Variants in LAMA3 observed in about 807,000 individuals in gnomAD.
LAMA3 encodes the protein laminin subunit alpha 3.
Under a neutral mutation model 402.0 loss-of-function variants are expected in LAMA3, and 281 were observed. That is an observed-to-expected ratio of 0.70 (90% CI 0.63 to 0.77). The LOEUF (loss-of-function observed/expected upper bound fraction) is 0.77. Ranked by LOEUF, LAMA3 falls within the 30% of genes least tolerant of loss-of-function variation. LAMA3 has a pLI of 0.00. For synonymous variants in LAMA3, 1,431 were observed against 1,558.4 expected (o/e 0.92, Z 1.93); for missense variants, 3,840 against 4,215.5 (o/e 0.91, Z 2.47).
chr18:23,928,774 T>G lies in LAMA3; in HGVS notation c.8436+9T>G. 1 of 1,611,438 alleles carries G rather than the reference T, an allele frequency of 6.2e-7. No individual in the cohort carries two copies. Among genetic ancestry groups the G allele is most frequent in the Non-Finnish European group, 8.5e-7 (1 of 1,177,520 alleles). ...TAGATCATCAGACATGGGTATGCAG[T>G]AGTGCATTAATATCAAACAAGATTT... On this transcript the variant is annotated intron_variant, in intron 64 of 74. Coordinates refer to ENST00000313654, the MANE Select transcript of LAMA3 (RefSeq NM_198129.4).
At chr18:23,850,780 C>A (rs7237244) in intron 32 of LAMA3, among the ~76,000 whole-genome samples, 1 of 152,200 alleles carries the variant, frequency 6.6e-6, no homozygotes, top group East Asian at 1.9e-4. Flanking sequence ...TCTGAACATA[C>A]AAAAGGGCTA....
rs563682231 is a variant in LAMA3 at position 23,898,979 on chromosome 18, A to C, written c.5750A>C (p.Gln1917Pro). 40 of 1,614,032 alleles carry C rather than the reference A, an allele frequency of 2.5e-5. 1 individual carries two copies. In the Middle Eastern group the frequency reaches 6.6e-4, roughly 27 times the overall value. ...EKAQVNSRKA[Q>P]TLNNNVNRAT... The stretch of plus-strand genomic sequence containing the variant: ...GCTCAAGTAAATTCCAGAAAAGCAC[A>C]AACATTAAACAACAATGTTAATCGG... Residue 1917 changes from glutamine to proline, a missense_variant, in exon 46 of 75, where the codon CAA (glutamine) becomes CCA (proline). Coordinates refer to ENST00000313654, the MANE Select transcript of LAMA3 (RefSeq NM_198129.4).
intron 23 of LAMA3, among the ~76,000 whole-genome samples, chr18:23,831,100 C>T (rs1200786694): frequency 6.6e-6 from 1 of 152,132 alleles, no homozygotes; most frequent in African/African-American, 2.4e-5. Flanking sequence ...TTCCATCTCC[C>T]TTGTCCAAAA....
intron 9 of LAMA3, 97 bp from the exon 10 acceptor site, chr18:23,775,695 G>T: frequency 1.5e-6 from 2 of 1,376,202 alleles, no homozygotes; most frequent in South Asian, 2.4e-5. Context: ...ATAGACCAAG[G>T]ATCAAGTATG....
chr18:23,690,023 C>T, intron 1 of LAMA3, 46 bp downstream of exon 1: 2 of 1,340,542 alleles, frequency 1.5e-6, no homozygotes, highest in Non-Finnish European at 1.9e-6. Context: ...TTTTCCTTCC[C>T]GCGCCGGCCA....
In LAMA3 at chr18:23,953,006, C is replaced by T. The variant is rs757278191; in HGVS notation, c.9753C>T (p.His3251=). Residue 3251 remains histidine (H), a synonymous_variant, in exon 74 of 75, where the codon CAC becomes CAT. Transcript: ENST00000313654. ...WHSVAVTIKQ[H]ILHLELDTDS... is the part of the protein sequence containing the mutation. Reference sequence around the variant, plus strand: ...TTTCCCCAGTCACCATAAAACAACACATCCTGCACCTGGAACTGGACACAG... The same window carrying T: ...TTTCCCCAGTCACCATAAAACAACATATCCTGCACCTGGAACTGGACACAG... 6.2e-7 allele frequency: 1 copy of T among 1,614,150 alleles called. No homozygotes were observed. The highest frequency in any genetic ancestry group is 8.5e-7 in the Non-Finnish European group (1 of 1,179,998).
chr18:23,689,725 A>T lies in LAMA3; in HGVS notation c.42A>T (p.Pro14=). 6.8e-7 allele frequency: 1 copy of T among 1,473,806 alleles called. No homozygotes were observed. The highest frequency in any genetic ancestry group is 9.0e-7 in the Non-Finnish European group (1 of 1,116,996). 91.3% of individuals were successfully genotyped at this position (1,473,806 alleles called of 1,614,324 possible). ...AARPRGRALG[P]VLPPTPLLLL... Reference sequence around the variant, plus strand: ...GGCCTCGGGGTCGGGCACTGGGGCCAGTACTGCCGCCGACGCCGCTGCTCC... The same window carrying T: ...GGCCTCGGGGTCGGGCACTGGGGCCTGTACTGCCGCCGACGCCGCTGCTCC... The change falls in exon 1 of 75, where the codon CCA becomes CCT. Residue 14 remains proline, a synonymous_variant. Transcript: ENST00000313654.
intron 62 of LAMA3, among the ~76,000 whole-genome samples, chr18:23,922,971 A>T (rs1209596561): frequency 6.6e-6 from 1 of 152,194 alleles, no homozygotes; most frequent in Non-Finnish European, 1.5e-5. Context: ...CATAGGAGGA[A>T]GCTCAGGGTG....
At position 23,928,129 on chromosome 18, in the gene LAMA3, C is replaced by T. The variant is rs1244437168; in HGVS notation, c.8184C>T (p.Asn2728=). 1 of 1,610,080 alleles carries T rather than the reference C, an allele frequency of 6.2e-7. No homozygotes were observed. The highest frequency in any genetic ancestry group is 2.2e-5 in the East Asian group (1 of 44,888). ...GIPIAIRERF[N]ISTPAFRGCM... ...TATCTGTGTTCGTAATCAGATTTAA[C>T]ATTTCTACGCCTGCTTTCCGAGGCT... Residue 2728 remains asparagine (N), a synonymous_variant, in exon 63 of 75, where the codon AAC becomes AAT. Transcript: ENST00000313654.
chr18:23,812,527 A>C (rs939630726), intron 13 of LAMA3, among the ~76,000 whole-genome samples: 1 of 152,242 alleles, frequency 6.6e-6, no homozygotes, highest in Non-Finnish European at 1.5e-5. Context: ...TGTAATTGTA[A>C]TACTGAAACA....
At chr18:23,896,528 CCA>C (rs908604889) in intron 44 of LAMA3, among the ~76,000 whole-genome samples, 1 of 151,986 alleles carries the variant, frequency 6.6e-6, no homozygotes, top group African/African-American at 2.4e-5. Flanking sequence ...AGAATGTGGT[CCA>C]TTTGGGTGAA....
chr18:23,826,527 A>G (rs1365901266), intron 21 of LAMA3, among the ~76,000 whole-genome samples, 175 bp from the exon 22 acceptor site: 3 of 152,202 alleles, frequency 2.0e-5, no homozygotes, highest in Non-Finnish European at 4.4e-5. Flanking sequence ...ATCTTTGATG[A>G]GTGGTTCTTT....
chr18:23,840,874 T>G (rs998060092), intron 27 of LAMA3, among the ~76,000 whole-genome samples: 7 of 152,204 alleles, frequency 4.6e-5, no homozygotes, highest in Non-Finnish European at 1.5e-5. Flanking sequence ...ACATTATATT[T>G]ATGGGTTGAG....
intron 2 of LAMA3, among the ~76,000 whole-genome samples, chr18:23,734,101 C>T (rs2061435416): frequency 6.6e-6 from 1 of 152,226 alleles, no homozygotes; most frequent in Admixed American, 6.5e-5. Flanking sequence ...AAAAGTGACG[C>T]AACATCTCTG....
Position 23,753,791 on chromosome 18 carries a change from A to G in LAMA3, c.926A>G (p.Asn309Ser). Residue 309 changes from asparagine (N) to serine (S), a missense_variant, in exon 6 of 75, where the codon AAT becomes AGT. Physicochemically the swap from Asn to Ser is conservative, Grantham distance 46. Coordinates refer to ENST00000313654, the MANE Select transcript of LAMA3 (RefSeq NM_198129.4). ...CVCNGHAEVC[N>S]INNPEKLFRC... ...TGCAATGGCCATGCTGAAGTGTGCA[A>G]TATAAACAATCCTGAAAAACTGTAA... is the stretch of plus-strand genomic sequence containing the variant. 1 of 1,613,386 alleles carries G rather than the reference A, an allele frequency of 6.2e-7. No homozygotes were observed. The highest frequency in any genetic ancestry group is 8.5e-7 in the Non-Finnish European group (1 of 1,179,314).
chr18:23,887,222 G>C (rs1195361340), intron 41 of LAMA3, among the ~76,000 whole-genome samples: 1 of 152,152 alleles, frequency 6.6e-6, no homozygotes, highest in African/African-American at 2.4e-5. Flanking sequence ...ATCAAAACAT[G>C]CCATTAAAAT....
At position 23,857,814 on chromosome 18, in the gene LAMA3, T is replaced by C. The variant is rs1332362233; in HGVS notation, c.4137-30T>C. On this transcript the variant is annotated intron_variant, in intron 32 of 74. Coordinates refer to ENST00000313654, the MANE Select transcript of LAMA3 (RefSeq NM_198129.4). ...TTTAAAATTGTGTGTACAAAGATGA[T>C]GATTTTTGCTTCCTTTACTTTGTGT... The C allele has an allele frequency of 3.7e-6, 6 of 1,614,170 alleles. 1 individual carries two copies. The South Asian group carries it at 5.5e-5, about 15-fold the overall frequency.
Position 23,898,939 on chromosome 18 carries a change from T to G in LAMA3, c.5725-15T>G, listed in dbSNP as rs749828142. On this transcript the variant is annotated splice_polypyrimidine_tract_variant and intron_variant, in intron 45 of 74. Transcript: ENST00000313654. ...TTGACTTAATTTGCTGCTAATCAAT[T>G]TATTTTTCATATAGGCTCAAGTAAA... is the stretch of plus-strand genomic sequence containing the variant. 4.3e-5 allele frequency: 69 copies of G among 1,607,992 alleles called. No individual in the cohort carries two copies. In the East Asian group the frequency reaches 1.5e-3, roughly 35 times the overall value.
chr18:23,774,989 T>C (rs529556172), intron 9 of LAMA3, among the ~76,000 whole-genome samples: 1 of 152,124 alleles, frequency 6.6e-6, no homozygotes, highest in South Asian at 2.1e-4. Context: ...TTTTTCATCA[T>C]TGAAGTGGTC....
Sources: allele counts gnomAD v4.1 joint callset (sites outside exome capture counted in the v4.1 genomes callset), GRCh38; gene constraint gnomAD v4.1.1; transcripts MANE v1.5; gene names NCBI Gene and HGNC (gene_info 2026-07-23, HGNC 2026-07-21).